Variants in DCDC2C observed in about 807,000 individuals in gnomAD.
The protein encoded by DCDC2C is doublecortin domain containing 2C.
In DCDC2C, 44 loss-of-function variants were observed where a neutral mutation model predicts 45.0. The ratio of observed to expected loss-of-function variants is 0.98; its 90% CI spans 0.77 to 1.26. The LOEUF is 1.26. DCDC2C is among the 50% of genes most tolerant of loss of function. The pLI is 0.00. For missense variants in DCDC2C, 447 were observed against 468.9 expected (o/e 0.95, Z 0.43); for synonymous variants, 187 against 178.8 (o/e 1.05, Z -0.37).
chr2:3,818,615 G>A lies in DCDC2C; in HGVS notation c.1066-28539G>A, dbSNP rs896807799. ...GCTGTTAATAGGCGAGTGGTAACAG[G>A]CTTTAATCCTTTTAAAGCTTGCTGT... On this transcript the variant is annotated intron_variant, in intron 10 of 10. Transcript: ENST00000399143. This position sits in a 1 kb window ranked among gnomAD's most constrained non-coding sequence, Gnocchi z 4.7. Among the ~76,000 whole-genome samples, 1 of 152,168 alleles carries A rather than the reference G, an allele frequency of 6.6e-6. No homozygotes were observed. Among genetic ancestry groups the A allele is most frequent in the Non-Finnish European group, 1.5e-5 (1 of 68,034 alleles).
chr2:3,801,937 A>T (rs1353284010), intron 10 of DCDC2C, among the ~76,000 whole-genome samples: 2 of 152,190 alleles, frequency 1.3e-5, no homozygotes, highest in East Asian at 3.9e-4. Flanking sequence ...CCCTTCCTGG[A>T]AGGGGAGGCA....
intron 6 of DCDC2C, among the ~76,000 whole-genome samples, chr2:3,763,725 C>A (rs998085993): frequency 2.0e-5 from 3 of 152,176 alleles, no homozygotes; most frequent in African/African-American, 7.2e-5. Flanking sequence ...TCCTTCACAG[C>A]CCACCGTTTA....
intron 10 of DCDC2C, among the ~76,000 whole-genome samples, chr2:3,813,638 ATT>A (rs376430001): frequency 7.4e-6 from 1 of 135,482 alleles, no homozygotes; most frequent in Non-Finnish European, 1.6e-5. Context: ...TTCTTGTTGA[ATT>A]TTTTTTTTTT....
intron 6 of DCDC2C, among the ~76,000 whole-genome samples, chr2:3,759,391 TA>T (rs1161472930): frequency 2.0e-5 from 3 of 152,250 alleles, no homozygotes; most frequent in Non-Finnish European, 2.9e-5. Context: ...CATGCTGACA[TA>T]TTTTAAATGG....
intron 5 of DCDC2C, among the ~76,000 whole-genome samples, chr2:3,753,812 A>C (rs1669611386): frequency 6.6e-6 from 1 of 152,200 alleles, no homozygotes; most frequent in South Asian, 2.1e-4. Flanking sequence ...ACCTCAAGGC[A>C]GAGAAAGGCT....
chr2:3,830,841 C>T (rs991528980), intron 10 of DCDC2C, among the ~76,000 whole-genome samples: 11 of 152,176 alleles, frequency 7.2e-5, no homozygotes, highest in Admixed American at 5.2e-4. Flanking sequence ...GCCTCAGATA[C>T]TTTGCTTACT....
At chr2:3,763,586 A>G (rs1310777676) in intron 6 of DCDC2C, among the ~76,000 whole-genome samples, 4 of 152,192 alleles carry the variant, frequency 2.6e-5, no homozygotes, top group African/African-American at 9.7e-5. Context: ...CGGGGTCTCT[A>G]GTCTCACAGC....
intron 10 of DCDC2C, among the ~76,000 whole-genome samples, chr2:3,796,852 C>A (rs369361160): frequency 2.6e-5 from 4 of 151,702 alleles, no homozygotes; most frequent in African/African-American, 2.4e-5. Context: ...TGTCTCTGCC[C>A]GGCTTTGGTA....
chr2:3,720,927 T>A (rs899119617), intron 2 of DCDC2C, among the ~76,000 whole-genome samples: 24 of 152,242 alleles, frequency 1.6e-4, no homozygotes, highest in African/African-American at 5.3e-4. Flanking sequence ...AACTACAAAT[T>A]CAACTCTTCA....
In DCDC2C at chr2:3,818,980, C is replaced by T. The variant is rs1572640019; in HGVS notation, c.1066-28174C>T. Among the ~76,000 whole-genome samples the T allele has an allele frequency of 6.6e-6, 1 of 152,218 alleles. No individual in the cohort carries two copies. Among genetic ancestry groups the T allele is most frequent in the Admixed American group, 6.5e-5 (1 of 15,302 alleles). On this transcript the variant is annotated intron_variant, in intron 10 of 10. Transcript: ENST00000399143. This position sits in a 1 kb window ranked among gnomAD's most constrained non-coding sequence, Gnocchi z 4.7. ...TGTGGAGTTTTAAGAGGTTTAGAAG[C>T]CTGGCTGTCAATAGCCACAACAGCT...
intron 10 of DCDC2C, among the ~76,000 whole-genome samples, chr2:3,839,699 C>T (rs1558250405): frequency 6.6e-6 from 1 of 152,206 alleles, no homozygotes; most frequent in Admixed American, 6.5e-5. Context: ...TCTCTCCAAC[C>T]AGCTCTTCTG....
At position 3,767,811 on chromosome 2, in the gene DCDC2C, G is replaced by C; in HGVS notation, c.784G>C (p.Asp262His). ...TGATGGCATACCCCCTAAAACACAG[G>C]ATTCTGTTTATTATGCCAAAGAAGA... Reference protein sequence around the residue: ...KYDGIPPKTQDSVYYAKEEKK... With the variant: ...KYDGIPPKTQHSVYYAKEEKK... Residue 262 changes from aspartate (D) to histidine (H), a missense_variant, in exon 7 of 11, where the codon GAT (aspartate) becomes CAT (histidine). By Grantham distance (81) the Asp-to-His change is moderately conservative. Transcript: ENST00000399143. 1 of 1,547,766 alleles carries C rather than the reference G, an allele frequency of 6.5e-7. No homozygotes were observed. Among genetic ancestry groups the C allele is most frequent in the Non-Finnish European group, 8.7e-7 (1 of 1,146,230 alleles).
chr2:3,777,000 C>T (rs1299478348), intron 8 of DCDC2C, among the ~76,000 whole-genome samples: 2 of 152,096 alleles, frequency 1.3e-5, no homozygotes, highest in African/African-American at 2.4e-5. Flanking sequence ...ATCTCTCCAC[C>T]CCTCTCTGCC....
chr2:3,800,686 G>A (rs1353836070), intron 10 of DCDC2C, among the ~76,000 whole-genome samples: 1 of 125,576 alleles, frequency 8.0e-6, no homozygotes, highest in African/African-American at 2.5e-5. Context: ...TCCTTACACA[G>A]GATATTACAA....
At chr2:3,800,087 C>A (rs575656013) in intron 10 of DCDC2C, among the ~76,000 whole-genome samples, 1 of 152,298 alleles carries the variant, frequency 6.6e-6, no homozygotes, top group East Asian at 1.9e-4. Context: ...GTTTTTTAAG[C>A]CCGTTGGAAA....
At chr2:3,817,024 C>T (rs1482380991) in intron 10 of DCDC2C, among the ~76,000 whole-genome samples, 1 of 152,132 alleles carries the variant, frequency 6.6e-6, no homozygotes, top group African/African-American at 2.4e-5. Flanking sequence ...GAGATATTTT[C>T]CTTGGTCCAA....
In DCDC2C at chr2:3,703,876, C is replaced by A; in HGVS notation, c.125C>A (p.Thr42Asn). Residue 42 changes from threonine (T) to asparagine (N), a missense_variant, in exon 1 of 11, where the codon ACC (threonine) becomes AAC (asparagine). By Grantham distance (65) the Thr-to-Asn change is moderately conservative. Transcript: ENST00000399143. The surrounding 1 kb of genome is among the most constrained non-coding windows in gnomAD (Gnocchi z 4.4). ...KFVLSRRRAATFEALLEQLTE... is the reference protein window; with the variant it reads ...KFVLSRRRAANFEALLEQLTE... Reference sequence around the variant, plus strand: ...GTGCTGTCGCGGCGCCGCGCGGCCACCTTCGAGGCGCTGCTGGAGCAGCTC... The same window carrying A: ...GTGCTGTCGCGGCGCCGCGCGGCCAACTTCGAGGCGCTGCTGGAGCAGCTC... The A allele has an allele frequency of 7.7e-7, 1 of 1,307,082 alleles. No individual in the cohort carries two copies. Among genetic ancestry groups the A allele is most frequent in the Non-Finnish European group, 9.8e-7 (1 of 1,023,202 alleles). The allele number at this position is 1,307,082 out of a possible 1,614,324, so 81.0% of individuals were successfully genotyped here.
intron 10 of DCDC2C, among the ~76,000 whole-genome samples, chr2:3,800,688 A>C (rs952885235): frequency 7.9e-6 from 1 of 125,942 alleles, no homozygotes; most frequent in Non-Finnish European, 1.9e-5. Flanking sequence ...CTTACACAGG[A>C]TATTACAAAG....
At chr2:3,755,100 G>A (rs1238580839) in intron 6 of DCDC2C, among the ~76,000 whole-genome samples, 2 of 152,128 alleles carry the variant, frequency 1.3e-5, no homozygotes, top group Non-Finnish European at 2.9e-5. Flanking sequence ...TGTATGTACT[G>A]GTGCATGTGT....
Sources: allele counts gnomAD v4.1 joint callset (sites outside exome capture counted in the v4.1 genomes callset), GRCh38; gene constraint gnomAD v4.1.1; non-coding constraint Gnocchi (gnomAD v3.1); transcripts MANE v1.5; gene names NCBI Gene and HGNC (gene_info 2026-07-23, HGNC 2026-07-21).